IQSEC2: variants seen among roughly 807,000 people sequenced by gnomAD.
IQSEC2 encodes IQ motif and SEC7 domain-containing protein 2.
A neutral mutation model predicts 74.6 loss-of-function variants in IQSEC2; 6 were observed. The ratio of observed to expected loss-of-function variants is 0.08; its 90% CI spans 0.04 to 0.16. IQSEC2 has a LOEUF of 0.16. Among genes scored for constraint, IQSEC2 ranks in the 10% least tolerant of loss-of-function variants. IQSEC2 has a pLI of 1.00. For synonymous variants in IQSEC2, 494 were observed against 544.5 expected, an observed-to-expected ratio of 0.91 and a Z score of 1.29; for missense variants, 734 against 1,306.2, an observed-to-expected ratio of 0.56 and a Z score of 6.75.
chrX:53,254,504 G>T, intron 4 of IQSEC2, 26 bp downstream of exon 4: 1 of 1,185,568 alleles, frequency 8.4e-7, no homozygotes, highest in Non-Finnish European at 1.1e-6. Flanking sequence ...GGATGGGGAA[G>T]AAAGGTCCTT....
rs1251312845 is a variant in IQSEC2, at chrX:53,243,557, C to T, written c.2750-86G>A. The T allele has an allele frequency of 5.5e-6, 6 of 1,085,588 alleles. No individual in the cohort carries two copies. The Admixed American group carries it at 1.3e-4, about 24-fold the overall frequency. The allele number at this position is 1,085,588 out of a possible 1,213,427, so 89.5% of individuals were successfully genotyped here. A position where few individuals can be genotyped will look rare whatever the true frequency, so the allele number is the denominator to read the frequency against. On this transcript the variant is annotated intron_variant, in intron 8 of 14. Coordinates refer to ENST00000642864, the MANE Select transcript of IQSEC2 (RefSeq NM_001111125.3). ...GCTCCACCACCCCCACACCCAGGCACGGGCCACGATAGTCAGGACTGAGGG... is the reference window on the plus strand; with the variant it reads ...GCTCCACCACCCCCACACCCAGGCATGGGCCACGATAGTCAGGACTGAGGG...
At chrX:53,243,609 C>G in intron 8 of IQSEC2, 138 bp from the exon 9 acceptor site, 1 of 907,321 alleles carries the variant, frequency 1.1e-6, no homozygotes. Flanking sequence ...GCCCCTTAGC[C>G]AGGATTGGGG....
chrX:53,227,594 G>A (rs999552515), downstream of IQSEC2: 9 of 309,271 alleles, frequency 2.9e-5, no homozygotes, highest in South Asian at 1.7e-4. Context: ...CCAGGCCACC[G>A]TGGCTGTGAC....
downstream of IQSEC2, chrX:53,226,895 T>C (rs1339468198): frequency 1.8e-5 from 2 of 112,565 alleles, no homozygotes; most frequent in Non-Finnish European, 3.8e-5. Context: ...AGGCCCTCAG[T>C]ATCTGGTAGC....
intron 1 of IQSEC2, among the ~76,000 whole-genome samples, chrX:53,317,172 G>A (rs2075385698): frequency 8.9e-6 from 1 of 112,107 alleles, no homozygotes; most frequent in Non-Finnish European, 1.9e-5. Flanking sequence ...GGGGTATGTG[G>A]ACAATTCCAG....
At chrX:53,238,397 T>C in intron 11 of IQSEC2, 91 bp from the exon 12 acceptor site, 2 of 895,826 alleles carry the variant, frequency 2.2e-6, no homozygotes, top group Non-Finnish European at 1.6e-6. Flanking sequence ...CTCTTTTTTT[T>C]CTGAGACAAC....
intron 2 of IQSEC2, chrX:53,266,983 A>G (rs781982071): frequency 8.7e-7 from 1 of 1,152,004 alleles, no homozygotes; most frequent in Admixed American, 2.6e-5. Flanking sequence ...AGGAGGGACT[A>G]CTGCACTCGG....
chrX:53,241,032 T>C lies in IQSEC2; in HGVS notation c.3015+752A>G, dbSNP rs781848397. Among the ~76,000 whole-genome samples the C allele has an allele frequency of 1.2e-3, 139 of 112,111 alleles. 2 individuals are homozygous for C. The South Asian group carries it at 0.05, about 40-fold the overall frequency. On this transcript the variant is annotated intron_variant, in intron 10 of 14. Transcript: ENST00000642864. ...CTCAGGTGATCCACCCACCTCGGCCTCCCAAAGTGCTGGGATTACAGGCAT... is the reference window on the plus strand; with the variant it reads ...CTCAGGTGATCCACCCACCTCGGCCCCCCAAAGTGCTGGGATTACAGGCAT...
chrX:53,267,214 G>C (rs1051845975), intron 2 of IQSEC2: 120 of 896,870 alleles, frequency 1.3e-4, no homozygotes, highest in Admixed American at 3.1e-4. Flanking sequence ...GGGGAGGCCA[G>C]TGTGATGGAT....
chrX:53,239,292 G>T lies in IQSEC2; in HGVS notation c.3018C>A (p.Val1006=), dbSNP rs781902812. 4 of 1,185,119 alleles carry T rather than the reference G, an allele frequency of 3.4e-6. No homozygotes were observed. In the East Asian group the frequency reaches 1.2e-4, roughly 35 times the overall value. The part of the protein sequence containing the change: ...EVFLFNDLLV[V]TKIFQKKKIL... Reference sequence around the variant, plus strand: ...TCTTCTTCTTCTGGAAAATTTTGGTGACCTTTGGCAGGGGTGGGAAAAAGA... The same window carrying T: ...TCTTCTTCTTCTGGAAAATTTTGGTTACCTTTGGCAGGGGTGGGAAAAAGA... Residue 1006 remains valine (V), a splice_region_variant and synonymous_variant, in exon 11 of 15, where the codon GTC becomes GTA. Transcript: ENST00000642864.
rs1434022705 is a variant in IQSEC2, at chrX:53,264,297, A to ATGCG, written c.738-8240_738-8237dup. On this transcript the variant is annotated intron_variant, in intron 2 of 14. Coordinates refer to ENST00000642864, the MANE Select transcript of IQSEC2 (RefSeq NM_001111125.3). Reference sequence around the variant, plus strand: ...GAGGATGGCCGGCCACATGGAGGCCATGCGTGCACACATATTTCTCTCACG... The same window carrying ATGCG: ...GAGGATGGCCGGCCACATGGAGGCCATGCGTGCGTGCACACATATTTCTCTCACG... Among the ~76,000 whole-genome samples the ATGCG allele has an allele frequency of 2.7e-5, 3 of 111,367 alleles. No homozygotes were observed. In the Admixed American group the frequency reaches 2.8e-4, roughly 11 times the overall value.
intron 2 of IQSEC2, among the ~76,000 whole-genome samples, chrX:53,256,591 C>T (rs1166561723): frequency 9.0e-6 from 1 of 111,207 alleles, no homozygotes; most frequent in African/African-American, 3.3e-5. Flanking sequence ...GTGAGGCCCA[C>T]CCCTGCACAC....
chrX:53,247,235 A>AG, intron 7 of IQSEC2, 100 bp from the exon 8 acceptor site: 3 of 836,674 alleles, frequency 3.6e-6, no homozygotes, highest in Non-Finnish European at 5.2e-6. Flanking sequence ...CCTGCAAGAA[A>AG]TACTTTCTTG....
At chrX:53,268,389 C>T (rs2074691644) in intron 2 of IQSEC2, among the ~76,000 whole-genome samples, 1 of 111,522 alleles carries the variant, frequency 9.0e-6, no homozygotes, top group African/African-American at 3.3e-5. Flanking sequence ...CATTGTTCCA[C>T]GGACTTCCTG....
Position 53,250,632 on chromosome X carries a change from G to A in IQSEC2, c.1944C>T (p.Tyr648=), listed in dbSNP as rs781942714. ...PGRAPIPHRH[Y]PAPEGPAPAP... is the part of the protein sequence containing the mutation. ...CTGGGGCTGGGCCTTCAGGGGCTGG[G>A]TAGTGGCGGTGTGGGATCGGGGCCC... Residue 648 remains tyrosine, a synonymous_variant, in exon 5 of 15, where the codon TAC becomes TAT. Transcript: ENST00000642864. 48 of 1,207,172 alleles carry A rather than the reference G, an allele frequency of 4.0e-5. No homozygotes were observed. Among genetic ancestry groups the A allele is most frequent in the Non-Finnish European group, 3.2e-5 (29 of 893,521 alleles).
intron 2 of IQSEC2, among the ~76,000 whole-genome samples, chrX:53,262,802 T>C (rs1476111364): frequency 8.9e-6 from 1 of 112,961 alleles, no homozygotes; most frequent in Non-Finnish European, 1.9e-5. Context: ...AGACCTGAGC[T>C]TGAATCCCAG....
intron 1 of IQSEC2, among the ~76,000 whole-genome samples, chrX:53,305,218 C>A (rs964469625): frequency 1.9e-5 from 2 of 104,807 alleles, no homozygotes; most frequent in Admixed American, 1.0e-4. Flanking sequence ...CACGCCCGGC[C>A]TTATTTATTT....
At chrX:53,259,741 G>A (rs1415292268) in intron 2 of IQSEC2, among the ~76,000 whole-genome samples, 4 of 110,442 alleles carry the variant, frequency 3.6e-5, no homozygotes, top group Non-Finnish European at 5.7e-5. Flanking sequence ...TCAAGGCTGC[G>A]GTAAGCCGTG....
At chrX:53,319,977 A>G (rs1365359384) in intron 1 of IQSEC2, among the ~76,000 whole-genome samples, 1 of 95,867 alleles carries the variant, frequency 1.0e-5, no homozygotes, top group Non-Finnish European at 2.1e-5. Context: ...AGAAAAGATC[A>G]GGCAAAAAGA....
Sources: allele counts gnomAD v4.1 joint callset (sites outside exome capture counted in the v4.1 genomes callset), GRCh38; gene constraint gnomAD v4.1.1; transcripts MANE v1.5; gene names NCBI Gene and HGNC (gene_info 2026-07-23, HGNC 2026-07-21).